The following INTS12 variants were observed in gnomAD, a reference collection of about 807,000 sequenced individuals.
INTS12 encodes the protein PHD finger protein 22.
INTS12 carries 13 observed loss-of-function variants against 41.6 expected under a neutral mutation model. That is an observed-to-expected ratio of 0.31 (90% CI 0.20 to 0.50). INTS12 has a LOEUF of 0.50. Ranked by LOEUF, INTS12 falls within the 20% of genes least tolerant of loss-of-function variation. The pLI, the probability that INTS12 is intolerant of heterozygous loss-of-function variation, is 0.98. For missense variants in INTS12, 432 were observed against 541.6 expected, an observed-to-expected ratio of 0.80 and a Z score of 2.01; for synonymous variants, 199 against 191.4, an observed-to-expected ratio of 1.04 and a Z score of -0.33.
intron 6 of INTS12, among the ~76,000 whole-genome samples, chr4:105,689,158 G>A (rs1242129446): frequency 6.6e-6 from 1 of 152,174 alleles, no homozygotes. Context: ...CTCCACTACT[G>A]CGTAGAGAGA....
intron 7 of INTS12, among the ~76,000 whole-genome samples, chr4:105,685,011 G>A (rs1431269062): frequency 6.6e-6 from 1 of 152,026 alleles, no homozygotes; most frequent in Non-Finnish European, 1.5e-5. Flanking sequence ...AGGACACATA[G>A]AAGTAATATA....
At chr4:105,686,469 T>C (rs760473279) in intron 7 of INTS12, among the ~76,000 whole-genome samples, 2 of 152,234 alleles carry the variant, frequency 1.3e-5, no homozygotes, top group East Asian at 3.8e-4. Context: ...GGAATGATCA[T>C]AGACTGTTCG....
chr4:105,707,329 T>C (rs1220054597), intron 1 of INTS12, among the ~76,000 whole-genome samples: 1 of 152,082 alleles, frequency 6.6e-6, no homozygotes, highest in Non-Finnish European at 1.5e-5. Context: ...TTTTTTTTTT[T>C]TTGGCACAAG....
Position 105,696,674 on chromosome 4 carries a change from G to A in INTS12, c.157-1006C>T, listed in dbSNP as rs553899707. Among the ~76,000 whole-genome samples the A allele has an allele frequency of 4.6e-5, 7 of 152,246 alleles. No homozygotes were observed. The East Asian group carries it at 9.6e-4, about 21-fold the overall frequency. On this transcript the variant is annotated intron_variant, in intron 3 of 7. Coordinates refer to ENST00000340139, the MANE Select transcript of INTS12 (RefSeq NM_020395.4). ...AAATAAAGCTGTTATGAATATTCAT[G>A]TACAAGTATTTATATATATATCTAT... is the stretch of plus-strand genomic sequence containing the variant.
At chr4:105,704,225 C>T (rs1377285993) in intron 1 of INTS12, among the ~76,000 whole-genome samples, 13 of 152,124 alleles carry the variant, frequency 8.5e-5, no homozygotes, top group African/African-American at 3.1e-4. Flanking sequence ...AGTCATTCGC[C>T]GCCTCAGTCA....
chr4:105,705,167 T>G (rs1317669557), intron 1 of INTS12: 4 of 152,180 alleles, frequency 2.6e-5, no homozygotes, highest in African/African-American at 4.8e-5. Context: ...CTCCCATCAC[T>G]TGCATTACTA....
chr4:105,703,607 T>G (rs982606157), intron 2 of INTS12, 41 bp downstream of exon 2: 2 of 152,244 alleles, frequency 1.3e-5, no homozygotes, highest in African/African-American at 4.8e-5. Context: ...TCTCTCTGCC[T>G]GCACCCAAAC....
chr4:105,702,897 C>G (rs1250229167), intron 2 of INTS12: 1 of 984,400 alleles, frequency 1.0e-6, no homozygotes, highest in Non-Finnish European at 1.2e-6. Flanking sequence ...TTTACTCCCC[C>G]TTTTCTGTTG....
At chr4:105,692,531 A>C (rs1004922852) in intron 5 of INTS12, among the ~76,000 whole-genome samples, 10 of 151,714 alleles carry the variant, frequency 6.6e-5, no homozygotes, top group Admixed American at 5.3e-4. Context: ...GTTCTGGTAA[A>C]GTTTGGTATA....
intron 4 of INTS12, among the ~76,000 whole-genome samples, chr4:105,693,897 C>A (rs1731772632): frequency 6.6e-6 from 1 of 152,080 alleles, no homozygotes; most frequent in Admixed American, 6.6e-5. Context: ...TGGCAAAAAT[C>A]AAAAAGTCTG....
intron 1 of INTS12, chr4:105,708,376 G>C (rs1203653137): frequency 3.0e-6 from 3 of 985,358 alleles, no homozygotes; most frequent in Non-Finnish European, 3.6e-6. Flanking sequence ...CAAAGTCCGA[G>C]GCAGGATTCC....
chr4:105,689,932 T>G (rs1296099559), intron 6 of INTS12, among the ~76,000 whole-genome samples: 2 of 152,140 alleles, frequency 1.3e-5, no homozygotes, highest in Non-Finnish European at 2.9e-5. Context: ...TACATTTGCT[T>G]CATTTTATTT....
chr4:105,695,995 A>C (rs1182861092), intron 3 of INTS12, among the ~76,000 whole-genome samples: 1 of 152,076 alleles, frequency 6.6e-6, no homozygotes, highest in African/African-American at 2.4e-5. Context: ...CTGGGACTAC[A>C]GGTGCACCAC....
chr4:105,692,037 T>A lies in INTS12; in HGVS notation c.596A>T (p.Glu199Val). 6.2e-7 allele frequency: 1 copy of A among 1,610,156 alleles called. No homozygotes were observed. Among genetic ancestry groups the A allele is most frequent in the Non-Finnish European group, 8.5e-7 (1 of 1,178,412 alleles). Residue 199 changes from glutamate (E) to valine (V), a missense_variant, in exon 6 of 8, where the codon GAA becomes GTA. Physicochemically the swap from Glu to Val is moderately radical, Grantham distance 121. This residue lies in a region of INTS12 where 258 missense variants were observed against 309.9 expected (regional missense o/e 0.83). Transcript: ENST00000340139. ...DCHKPQVTDKEANDPRLVWYC... is the reference protein window; with the variant it reads ...DCHKPQVTDKVANDPRLVWYC... The stretch of plus-strand genomic sequence containing the variant: ...CCACACCAGGCGAGGGTCATTCGCT[T>A]CCTTGTCTGTCACCTGGGGTTTATG...
chr4:105,702,711 C>T (rs1431399703), intron 2 of INTS12, among the ~76,000 whole-genome samples: 1 of 152,114 alleles, frequency 6.6e-6, no homozygotes, highest in Non-Finnish European at 1.5e-5. Context: ...TATTCCCATT[C>T]TACTTGTTCT....
intron 4 of INTS12, among the ~76,000 whole-genome samples, chr4:105,694,440 C>G (rs772876889): frequency 1.3e-5 from 2 of 152,132 alleles, no homozygotes; most frequent in Non-Finnish European, 2.9e-5. Flanking sequence ...ATTCTCACGT[C>G]TCAGCCTCCT....
chr4:105,695,826 T>C (rs1731842950), intron 3 of INTS12, 158 bp from the exon 4 acceptor site: 1 of 648,572 alleles, frequency 1.5e-6, no homozygotes, highest in African/African-American at 1.9e-5. Flanking sequence ...TATTGAGAAA[T>C]AATTGATATA....
chr4:105,690,167 G>T (rs1046315558), intron 6 of INTS12, among the ~76,000 whole-genome samples: 3 of 152,136 alleles, frequency 2.0e-5, no homozygotes, highest in African/African-American at 4.8e-5. Context: ...TGTCAGAGTG[G>T]CCAGAGTGTA....
intron 3 of INTS12, 47 bp downstream of exon 3, chr4:105,699,803 T>C (rs1191249002): frequency 1.5e-6 from 2 of 1,363,102 alleles, no homozygotes; most frequent in South Asian, 1.8e-5. Context: ...AATGTAGTAC[T>C]ACAGGCCTTA....
Sources: gnomAD v4.1 joint callset for allele counts (sites outside exome capture counted in the v4.1 genomes callset) on GRCh38, gnomAD v4.1.1 for gene constraint, gnomAD v4.1.1 regional missense constraint, MANE v1.5 for transcripts, NCBI Gene and HGNC (gene_info 2026-07-23, HGNC 2026-07-21) for gene names.